FER: variants seen among roughly 807,000 people sequenced by gnomAD.
FER encodes tyrosine-protein kinase Fer.
In FER, 63 loss-of-function variants were observed where a neutral mutation model predicts 111.0. The observed-to-expected ratio is 0.57, with a 90% confidence interval of 0.46 to 0.70. The LOEUF (loss-of-function observed/expected upper bound fraction) is 0.70. Ranked by LOEUF, FER falls within the 30% of genes least tolerant of loss-of-function variation. The pLI, the probability that FER is intolerant of heterozygous loss-of-function variation, is 0.00. For missense variants in FER, 914 were observed against 954.0 expected (o/e 0.96, Z 0.55); for synonymous variants, 327 against 313.9 (o/e 1.04, Z -0.44).
chr5:108,971,271 T>TAAAAAAA (rs750337993), intron 13 of FER, among the ~76,000 whole-genome samples: 1 of 45,650 alleles, frequency 2.2e-5, no homozygotes, highest in African/African-American at 7.3e-5. Flanking sequence ...TGAACCTGTC[T>TAAAAAAA]CAAAAAAAAA....
intron 5 of FER, among the ~76,000 whole-genome samples, chr5:108,848,679 A>G (rs1443755605): frequency 1.3e-5 from 2 of 151,920 alleles, no homozygotes; most frequent in Non-Finnish European, 2.9e-5. Flanking sequence ...TACACACTAC[A>G]TTGTTTTTGT....
At chr5:108,786,986 G>A (rs1317451109) in intron 2 of FER, among the ~76,000 whole-genome samples, 2 of 152,144 alleles carry the variant, frequency 1.3e-5, no homozygotes, top group Non-Finnish European at 2.9e-5. Flanking sequence ...CTGGGGAGGT[G>A]TGGCCAGGGC....
chr5:108,969,059 T>C (rs1311388545), intron 13 of FER, among the ~76,000 whole-genome samples: 1 of 152,198 alleles, frequency 6.6e-6, no homozygotes, highest in Non-Finnish European at 1.5e-5. Flanking sequence ...TGCTCTTTGA[T>C]ACTTTGCTGT....
At chr5:109,152,834 C>T (rs1333996590) in intron 17 of FER, among the ~76,000 whole-genome samples, 10 of 151,816 alleles carry the variant, frequency 6.6e-5, no homozygotes, top group Admixed American at 6.6e-4. Flanking sequence ...ATCTTATTAC[C>T]ACCATCGTAA....
At chr5:109,167,545 G>C (rs556966040) in intron 17 of FER, among the ~76,000 whole-genome samples, 1 of 152,072 alleles carries the variant, frequency 6.6e-6, no homozygotes, top group African/African-American at 2.4e-5. Flanking sequence ...TGTCTTTGGC[G>C]TGTATTTAAG....
At chr5:108,866,523 C>T (rs1764083878) in intron 5 of FER, among the ~76,000 whole-genome samples, 1 of 151,332 alleles carries the variant, frequency 6.6e-6, no homozygotes, top group South Asian at 2.1e-4. Flanking sequence ...CAACGTGGCA[C>T]ATGTATACAT....
At chr5:109,144,432 A>T (rs1263915479) in intron 17 of FER, among the ~76,000 whole-genome samples, 2 of 152,110 alleles carry the variant, frequency 1.3e-5, no homozygotes, top group South Asian at 4.1e-4. Flanking sequence ...ATTACAGTGC[A>T]TCCTCTCAGA....
rs536469603 is a variant in FER at position 109,020,547 on chromosome 5, C to T, written c.1657-16875C>T. Among the ~76,000 whole-genome samples the T allele has an allele frequency of 3.3e-5, 5 of 152,050 alleles. No individual in the cohort carries two copies. In the East Asian group the frequency reaches 9.7e-4, roughly 29 times the overall value. Reference sequence around the variant, plus strand: ...GCCACATTTAGATCTCAGTTTCCTTCTATATGACTTGGAATTTTTTGGTTA... The same window carrying T: ...GCCACATTTAGATCTCAGTTTCCTTTTATATGACTTGGAATTTTTTGGTTA... On this transcript the variant is annotated intron_variant, in intron 13 of 19. Coordinates refer to ENST00000281092, the MANE Select transcript of FER (RefSeq NM_005246.4).
intron 3 of FER, among the ~76,000 whole-genome samples, chr5:108,811,888 C>T (rs1013789642): frequency 6.6e-6 from 1 of 152,162 alleles, no homozygotes; most frequent in Non-Finnish European, 1.5e-5. Flanking sequence ...TTCCATTAGG[C>T]TGTCAATAGA....
intron 6 of FER, among the ~76,000 whole-genome samples, chr5:108,870,949 A>G (rs1458290810): frequency 3.9e-5 from 6 of 152,102 alleles, no homozygotes; most frequent in Admixed American, 1.3e-4. Flanking sequence ...GCAGGGAAGA[A>G]CCAGTCAGGT....
chr5:108,844,549 CAT>C (rs1215745401), intron 5 of FER, among the ~76,000 whole-genome samples: 1 of 152,042 alleles, frequency 6.6e-6, no homozygotes, highest in Non-Finnish European at 1.5e-5. Context: ...TAAATTTTGA[CAT>C]ATGTACACAC....
At chr5:108,915,386 C>T (rs536115958) in intron 10 of FER, among the ~76,000 whole-genome samples, 9 of 152,182 alleles carry the variant, frequency 5.9e-5, no homozygotes, top group African/African-American at 9.6e-5. Context: ...GCAGGAGAAA[C>T]GCTTGAACCC....
rs577441064 is a variant in FER, at chr5:108,935,362, G to A, written c.1237-10768G>A. Among the ~76,000 whole-genome samples, 6 of 151,974 alleles carry A rather than the reference G, an allele frequency of 3.9e-5. No individual in the cohort carries two copies. In the South Asian group the frequency reaches 6.2e-4, roughly 16 times the overall value. On this transcript the variant is annotated intron_variant, in intron 10 of 19. Transcript: ENST00000281092. Reference sequence around the variant, plus strand: ...TCTAATCTGTCTCCTTCTTCACATCGCCTTCTGTGTTTCTTCCTCTTCTAA... The same window carrying A: ...TCTAATCTGTCTCCTTCTTCACATCACCTTCTGTGTTTCTTCCTCTTCTAA...
chr5:108,935,035 G>C (rs1370597703), intron 10 of FER, among the ~76,000 whole-genome samples: 2 of 152,012 alleles, frequency 1.3e-5, no homozygotes, highest in African/African-American at 4.8e-5. Flanking sequence ...ATTACATATA[G>C]GGGTGATTTT....
chr5:108,891,435 T>A (rs1748031176), intron 9 of FER: 1 of 152,124 alleles, frequency 6.6e-6, no homozygotes, highest in African/African-American at 2.4e-5. Flanking sequence ...AAGTCCATTT[T>A]AGGCTGGTCC....
intron 5 of FER, among the ~76,000 whole-genome samples, chr5:108,851,551 C>T (rs945852786): frequency 6.6e-6 from 1 of 151,460 alleles, no homozygotes; most frequent in African/African-American, 2.4e-5. Flanking sequence ...GTACTTTGTT[C>T]AAAGTAAAAA....
chr5:108,962,765 G>A (rs1759305982), intron 13 of FER, among the ~76,000 whole-genome samples: 1 of 152,062 alleles, frequency 6.6e-6, no homozygotes, highest in African/African-American at 2.4e-5. Flanking sequence ...TAATATTATT[G>A]TTGCTGTTAT....
chr5:108,801,092 G>A (rs1468905010), intron 3 of FER, among the ~76,000 whole-genome samples: 3 of 152,194 alleles, frequency 2.0e-5, no homozygotes, highest in South Asian at 2.1e-4. Flanking sequence ...AGTTTTGCCT[G>A]TGTTATCATC....
At chr5:108,841,055 G>T (rs893089644) in intron 5 of FER, among the ~76,000 whole-genome samples, 1 of 152,186 alleles carries the variant, frequency 6.6e-6, no homozygotes, top group Non-Finnish European at 1.5e-5. Flanking sequence ...AGAGAACAAT[G>T]TAAAGAGGGA....
Sources: gnomAD v4.1 joint callset for allele counts (sites outside exome capture counted in the v4.1 genomes callset) on GRCh38, gnomAD v4.1.1 for gene constraint, MANE v1.5 for transcripts, NCBI Gene and HGNC (gene_info 2026-07-23, HGNC 2026-07-21) for gene names.